Variants in RAPGEF1 observed in about 807,000 individuals in gnomAD.
The protein encoded by RAPGEF1 is Rap guanine nucleotide exchange factor 1.
Under a neutral mutation model 143.3 loss-of-function variants are expected in RAPGEF1, and 33 were observed. That is an observed-to-expected ratio of 0.23 (90% CI 0.17 to 0.31). The LOEUF (loss-of-function observed/expected upper bound fraction) is 0.31. RAPGEF1 is among the 10% of genes least tolerant of loss of function. The pLI, the probability that RAPGEF1 is intolerant of heterozygous loss-of-function variation, is 1.00. For missense variants in RAPGEF1, 1,199 were observed against 1,645.4 expected (o/e 0.73, Z 4.69); for synonymous variants, 629 against 676.5 (o/e 0.93, Z 1.09).
intron 1 of RAPGEF1, among the ~76,000 whole-genome samples, chr9:131,688,467 G>T (rs921874531): frequency 6.6e-6 from 1 of 152,060 alleles, no homozygotes; most frequent in African/African-American, 2.4e-5. Context: ...ACTTTATACT[G>T]CTAAATAAAA....
At chr9:131,602,835 G>A (rs957039647) in intron 14 of RAPGEF1, among the ~76,000 whole-genome samples, 1 of 152,144 alleles carries the variant, frequency 6.6e-6, no homozygotes, top group African/African-American at 2.4e-5. Context: ...AACATGGCCC[G>A]CCAACATCCC....
At chr9:131,614,389 T>C (rs1294637127) in intron 12 of RAPGEF1, among the ~76,000 whole-genome samples, 3 of 152,230 alleles carry the variant, frequency 2.0e-5, no homozygotes, top group Non-Finnish European at 4.4e-5. Context: ...GGCCATTCCG[T>C]TTTCCTCCTC....
intron 1 of RAPGEF1, among the ~76,000 whole-genome samples, chr9:131,658,391 T>C (rs1357828895): frequency 1.3e-5 from 2 of 152,302 alleles, no homozygotes. Flanking sequence ...TATTGTGATC[T>C]ATCTAATCTG....
chr9:131,620,122 T>C (rs2132823319), intron 11 of RAPGEF1, among the ~76,000 whole-genome samples: 1 of 152,316 alleles, frequency 6.6e-6, no homozygotes, highest in African/African-American at 2.4e-5. Flanking sequence ...GCCACTGCCC[T>C]GCAGGCGTGG....
At chr9:131,598,525 G>C (rs1454105771) in intron 15 of RAPGEF1, 1 of 686,700 alleles carries the variant, frequency 1.5e-6, no homozygotes, top group Non-Finnish European at 2.7e-6. Flanking sequence ...TGTTCCATCT[G>C]TACACGGAAG....
chr9:131,584,476 G>A lies in RAPGEF1; in HGVS notation c.3312+42C>T. On this transcript the variant is annotated intron_variant, in intron 23 of 26. Coordinates refer to ENST00000683357, the MANE Select transcript of RAPGEF1 (RefSeq NM_001377935.1). This position sits in a 1 kb window ranked among gnomAD's most constrained non-coding sequence, Gnocchi z 6.8. ...GGCGGGTCCCGGGCTCCCAGAGCAG[G>A]GACTGATGATGGGGGCCTGGGAAGG... 1 of 1,613,260 alleles carries A rather than the reference G, an allele frequency of 6.2e-7. No individual in the cohort carries two copies. The highest frequency in any genetic ancestry group is 8.5e-7 in the Non-Finnish European group (1 of 1,179,192).
chr9:131,681,753 C>G (rs770326445), intron 1 of RAPGEF1, among the ~76,000 whole-genome samples: 6 of 152,068 alleles, frequency 3.9e-5, no homozygotes, highest in Non-Finnish European at 5.9e-5. Flanking sequence ...CCGGATGATG[C>G]CATAGAACAG....
intron 3 of RAPGEF1, among the ~76,000 whole-genome samples, chr9:131,645,828 C>A (rs1356087138): frequency 6.6e-6 from 1 of 152,214 alleles, no homozygotes; most frequent in African/African-American, 2.4e-5. Context: ...CTAAATGAGG[C>A]TGTCCGTGTC....
At chr9:131,622,335 C>T (rs1961388348) in intron 10 of RAPGEF1, among the ~76,000 whole-genome samples, 1 of 152,176 alleles carries the variant, frequency 6.6e-6, no homozygotes, top group Non-Finnish European at 1.5e-5. Flanking sequence ...TCGCAAGTGC[C>T]ACGAGCAGCT....
intron 1 of RAPGEF1, among the ~76,000 whole-genome samples, chr9:131,666,158 A>C (rs1830396201): frequency 6.6e-6 from 1 of 152,232 alleles, no homozygotes; most frequent in Non-Finnish European, 1.5e-5. Flanking sequence ...TTTTTAATAT[A>C]ATTCTCTAAG....
rs7851427 is a variant in RAPGEF1 at position 131,583,137 on chromosome 9, A to G, written c.3415-435T>C. On this transcript the variant is annotated intron_variant, in intron 24 of 26. Transcript: ENST00000683357. The surrounding 1 kb of genome is among the most constrained non-coding windows in gnomAD (Gnocchi z 4.7). Reference sequence around the variant, plus strand: ...CCCTGTACTCAGGGAGGACCAACTAAAGATAGCATGTGACCTCGCCCTCCC... The same window carrying G: ...CCCTGTACTCAGGGAGGACCAACTAGAGATAGCATGTGACCTCGCCCTCCC... Among the ~76,000 whole-genome samples, 30,894 of 152,032 alleles carry G rather than the reference A, an allele frequency of 0.2. 4,380 individuals carry two copies. The highest frequency in any genetic ancestry group is 0.4 in the African/African-American group (16,535 of 41,476).
chr9:131,606,517 G>A (rs748887255), intron 12 of RAPGEF1, among the ~76,000 whole-genome samples: 73 of 152,348 alleles, frequency 4.8e-4, no homozygotes, highest in Non-Finnish European at 7.6e-4. Context: ...GCAAATGTGC[G>A]TGCCACTCGC....
At chr9:131,619,026 TA>T (rs1351376753) in intron 12 of RAPGEF1, 24 bp downstream of exon 12, 1 of 1,350,740 alleles carries the variant, frequency 7.4e-7, no homozygotes, top group Non-Finnish European at 9.9e-7. Context: ...CGTTTCCAAG[TA>T]AAGAACAGCA....
chr9:131,650,894 G>C lies in RAPGEF1; in HGVS notation c.117C>G (p.His39Gln). The change falls in exon 2 of 27, where the codon CAC becomes CAG. Residue 39 changes from histidine to glutamine, a missense_variant. His to Gln is a conservative substitution (Grantham distance 24). Coordinates refer to ENST00000683357, the MANE Select transcript of RAPGEF1 (RefSeq NM_001377935.1). This position sits in a 1 kb window ranked among gnomAD's most constrained non-coding sequence, Gnocchi z 4.7. The stretch of plus-strand genomic sequence containing the variant: ...ATGGCGTTCTCTTGATTTTGGGTGA[G>C]TGGAATTTGTCCATCAGCTTCATGG... ...SFTMKLMDKF[H>Q]SPKIKRTPSK... 6.2e-7 allele frequency: 1 copy of C among 1,613,972 alleles called. No individual in the cohort carries two copies. Among genetic ancestry groups the C allele is most frequent in the African/African-American group, 1.3e-5 (1 of 75,042 alleles).
In RAPGEF1 at chr9:131,602,087, C is replaced by T; in HGVS notation, c.2475G>A (p.Gly825=). 6.2e-7 allele frequency: 1 copy of T among 1,604,188 alleles called. No homozygotes were observed. The highest frequency in any genetic ancestry group is 8.5e-7 in the Non-Finnish European group (1 of 1,176,176). The change falls in exon 15 of 27, where the codon GGG becomes GGA. Residue 825 remains glycine, a synonymous_variant. Transcript: ENST00000683357. ...RDPSAVSGVP[G]KDSRDGSERA... ...TCTCACTGCCGTCTCTGCTGTCCTTCCCAGGGACGCCGCTGACCGCTGAGG... is the reference window on the plus strand; with the variant it reads ...TCTCACTGCCGTCTCTGCTGTCCTTTCCAGGGACGCCGCTGACCGCTGAGG...
intron 1 of RAPGEF1, among the ~76,000 whole-genome samples, chr9:131,653,375 C>T (rs1315511610): frequency 6.6e-6 from 1 of 152,218 alleles, no homozygotes; most frequent in Admixed American, 6.5e-5. Flanking sequence ...TCAGCAGAGG[C>T]TGCAGAACCC....
At chr9:131,601,352 G>C (rs193051671) in intron 15 of RAPGEF1, among the ~76,000 whole-genome samples, 132 of 152,184 alleles carry the variant, frequency 8.7e-4, no homozygotes, top group African/African-American at 2.9e-3. Flanking sequence ...AAGTGGAGGG[G>C]GTGTCTTTTA....
At chr9:131,682,172 G>GA (rs574388451) in intron 1 of RAPGEF1, among the ~76,000 whole-genome samples, 2 of 152,222 alleles carry the variant, frequency 1.3e-5, no homozygotes, top group African/African-American at 4.8e-5. Flanking sequence ...AAAGAATGTA[G>GA]AAAAAATAAG....
At position 131,579,299 on chromosome 9, in the gene RAPGEF1, G is replaced by T; in HGVS notation, c.*198C>A. On this transcript the variant is annotated 3_prime_UTR_variant, in exon 27 of 27. Transcript: ENST00000683357. The stretch of plus-strand genomic sequence containing the variant: ...GCCTGCTGGCTGCCCTGAGGCCCAC[G>T]GGTCTGCTCCCACAGAGGAAGGAGG... 1.5e-6 allele frequency: 1 copy of T among 676,730 alleles called. No individual in the cohort carries two copies. Among genetic ancestry groups the T allele is most frequent in the Non-Finnish European group, 2.5e-6 (1 of 407,128 alleles). The allele number at this position is 676,730 out of a possible 1,614,324, so 41.9% of individuals were successfully genotyped here.
Sources: gnomAD v4.1 joint callset for allele counts (sites outside exome capture counted in the v4.1 genomes callset) on GRCh38, gnomAD v4.1.1 for gene constraint, Gnocchi (gnomAD v3.1) non-coding constraint, MANE v1.5 for transcripts, NCBI Gene and HGNC (gene_info 2026-07-23, HGNC 2026-07-21) for gene names.